The following DNM3 variants were observed in gnomAD, a reference collection of about 807,000 sequenced individuals.
The protein encoded by DNM3 is dynamin-3.
In DNM3, 47 loss-of-function variants were observed where a neutral mutation model predicts 101.6. The ratio of observed to expected loss-of-function variants is 0.46; its 90% CI spans 0.37 to 0.59. The LOEUF is 0.59. Among genes scored for constraint, DNM3 ranks in the 20% least tolerant of loss-of-function variants. DNM3 has a pLI of 0.00. For synonymous variants in DNM3, 385 were observed against 387.9 expected, an observed-to-expected ratio of 0.99 and a Z score of 0.09; for missense variants, 849 against 1,085.7, an observed-to-expected ratio of 0.78 and a Z score of 3.06.
chr1:172,306,449 C>A (rs1009872025), intron 15 of DNM3, among the ~76,000 whole-genome samples: 5 of 152,172 alleles, frequency 3.3e-5, no homozygotes, highest in Non-Finnish European at 7.3e-5. Flanking sequence ...AATGGCCATA[C>A]TGCCCAAGGT....
chr1:172,069,698 G>A (rs1195515951), intron 11 of DNM3, among the ~76,000 whole-genome samples: 1 of 152,210 alleles, frequency 6.6e-6, no homozygotes, highest in Admixed American at 6.5e-5. Context: ...GTTGTGGAGA[G>A]AACACTGGAC....
At chr1:171,921,940 C>A (rs2040205518) in intron 2 of DNM3, 119 bp downstream of exon 2, 4 of 749,528 alleles carry the variant, frequency 5.3e-6, no homozygotes, top group Non-Finnish European at 8.9e-6. Flanking sequence ...TGGGCAGCTG[C>A]CCACATTTCT....
intron 18 of DNM3, among the ~76,000 whole-genome samples, chr1:172,380,209 G>A (rs563696034): frequency 6.6e-6 from 1 of 152,116 alleles, no homozygotes; most frequent in South Asian, 2.1e-4. Context: ...TGTAGTAAGT[G>A]TATCTGACTT....
chr1:172,119,493 C>T (rs1450239574), intron 13 of DNM3, among the ~76,000 whole-genome samples: 2 of 152,046 alleles, frequency 1.3e-5, no homozygotes, highest in East Asian at 3.9e-4. Flanking sequence ...TCTCTTCTAG[C>T]CCCGCCTCGG....
intron 11 of DNM3, among the ~76,000 whole-genome samples, chr1:172,074,444 T>C (rs2052467077): frequency 6.6e-6 from 1 of 152,142 alleles, no homozygotes; most frequent in South Asian, 2.1e-4. Context: ...TAGGTATTTC[T>C]CCTAATGCTA....
chr1:172,366,488 C>G (rs188413666), intron 17 of DNM3: 1 of 151,842 alleles, frequency 6.6e-6, no homozygotes, highest in Non-Finnish European at 1.5e-5. Flanking sequence ...AAGTTAATAT[C>G]AGAACCTAGC....
chr1:172,057,581 A>G (rs1352014425), intron 10 of DNM3, among the ~76,000 whole-genome samples: 1 of 152,216 alleles, frequency 6.6e-6, no homozygotes. Context: ...AGAATTTCAT[A>G]TCCAGCCAAA....
chr1:172,165,486 G>A (rs2058712268), intron 14 of DNM3, among the ~76,000 whole-genome samples: 1 of 151,798 alleles, frequency 6.6e-6, no homozygotes, highest in African/African-American at 2.4e-5. Flanking sequence ...TGTTAGTCTT[G>A]GAATGTAAAG....
chr1:172,244,786 A>G (rs2148661026), intron 14 of DNM3, among the ~76,000 whole-genome samples: 1 of 152,280 alleles, frequency 6.6e-6, no homozygotes, highest in Middle Eastern at 3.4e-3. Flanking sequence ...CCATTGTGGA[A>G]GTCAGTGTGG....
chr1:172,061,603 A>G (rs1436558609), intron 10 of DNM3, among the ~76,000 whole-genome samples: 1 of 151,320 alleles, frequency 6.6e-6, no homozygotes, highest in Non-Finnish European at 1.5e-5. Context: ...CAAGAACAAA[A>G]AACCAAACAC....
intron 4 of DNM3, among the ~76,000 whole-genome samples, chr1:172,014,606 G>A (rs2047328463): frequency 6.6e-6 from 1 of 152,136 alleles, no homozygotes; most frequent in Admixed American, 6.6e-5. Context: ...TCTTTGGTAA[G>A]GCTGTTCAGG....
chr1:172,258,256 T>A (rs2062499880), intron 15 of DNM3, among the ~76,000 whole-genome samples: 1 of 152,164 alleles, frequency 6.6e-6, no homozygotes, highest in African/African-American at 2.4e-5. Flanking sequence ...GGAGCGCGTG[T>A]GTCTCTTTGA....
intron 14 of DNM3, among the ~76,000 whole-genome samples, chr1:172,205,752 G>A (rs1434302253): frequency 6.6e-6 from 1 of 152,058 alleles, no homozygotes; most frequent in African/African-American, 2.4e-5. Flanking sequence ...ATATAGTCGG[G>A]AAAGGAATGA....
chr1:171,939,931 C>T (rs1329899917), intron 2 of DNM3, among the ~76,000 whole-genome samples: 4 of 152,078 alleles, frequency 2.6e-5, no homozygotes, highest in African/African-American at 9.7e-5. Flanking sequence ...TCTTCCCTTC[C>T]TCAGGGGGCA....
chr1:172,227,990 A>T (rs1265490294), intron 14 of DNM3, among the ~76,000 whole-genome samples: 1 of 151,838 alleles, frequency 6.6e-6, no homozygotes, highest in Non-Finnish European at 1.5e-5. Context: ...AACTACTAAT[A>T]CTCTCCTTGA....
chr1:172,370,731 G>A (rs1455370825), intron 17 of DNM3, among the ~76,000 whole-genome samples: 1 of 151,940 alleles, frequency 6.6e-6, no homozygotes, highest in African/African-American at 2.4e-5. Context: ...AGACTCCAGA[G>A]TTAGTAAGTG....
chr1:171,931,776 C>T (rs2041023823), intron 2 of DNM3, among the ~76,000 whole-genome samples: 1 of 152,042 alleles, frequency 6.6e-6, no homozygotes, highest in African/African-American at 2.4e-5. Context: ...AATATCTCAC[C>T]TGGCAGGGCT....
At chr1:172,114,486 A>G (rs1404010981) in intron 13 of DNM3, among the ~76,000 whole-genome samples, 1 of 152,200 alleles carries the variant, frequency 6.6e-6, no homozygotes, top group Non-Finnish European at 1.5e-5. Context: ...AAGACTCTAT[A>G]TACTTATGTA....
At chr1:171,991,816 A>G in intron 4 of DNM3, among the ~76,000 whole-genome samples, 1 of 152,184 alleles carries the variant, frequency 6.6e-6, no homozygotes, top group Middle Eastern at 3.2e-3. Flanking sequence ...GATTCCAAGG[A>G]CTTTAGTAGT....
Sources: gnomAD v4.1 joint callset for allele counts (sites outside exome capture counted in the v4.1 genomes callset) on GRCh38, gnomAD v4.1.1 for gene constraint, MANE v1.5 for transcripts, NCBI Gene and HGNC (gene_info 2026-07-23, HGNC 2026-07-21) for gene names.